The following SULT2B1 variants were observed in gnomAD, a reference collection of about 807,000 sequenced individuals.
SULT2B1 encodes sulfotransferase family 2B member 1.
SULT2B1 carries 16 observed loss-of-function variants against 33.2 expected under a neutral mutation model. The ratio of observed to expected loss-of-function variants is 0.48; its 90% CI spans 0.33 to 0.73. SULT2B1 has a LOEUF of 0.73. Ranked by LOEUF, SULT2B1 falls within the 30% of genes least tolerant of loss-of-function variation. The pLI, the probability that SULT2B1 is intolerant of heterozygous loss-of-function variation, is 0.02. For missense variants in SULT2B1, 500 were observed against 506.0 expected (o/e 0.99, Z 0.11); for synonymous variants, 186 against 200.5 (o/e 0.93, Z 0.61).
intron 1 of SULT2B1, among the ~76,000 whole-genome samples, chr19:48,565,335 G>A (rs2544804): frequency 6.6e-6 from 1 of 150,822 alleles, no homozygotes; most frequent in African/African-American, 2.4e-5. Context: ...TTTATGGGGG[G>A]GTGTGTGTGT....
chr19:48,569,639 C>T (rs1456753379), intron 1 of SULT2B1, among the ~76,000 whole-genome samples: 1 of 151,374 alleles, frequency 6.6e-6, no homozygotes, highest in African/African-American at 2.4e-5. Context: ...GTTGGGATTA[C>T]AGGCATGAGC....
chr19:48,564,319 C>T (rs1973217281), intron 1 of SULT2B1, among the ~76,000 whole-genome samples: 1 of 151,022 alleles, frequency 6.6e-6, no homozygotes, highest in Admixed American at 6.6e-5. Context: ...TTTGGGAGGC[C>T]GAGGCGGGCG....
At chr19:48,576,359 C>CTTTTCTTTTTTTCTTTTTTTTTTTTTT in intron 2 of SULT2B1, among the ~76,000 whole-genome samples, 1 of 96,716 alleles carries the variant, frequency 1.0e-5, no homozygotes, top group Non-Finnish European at 1.9e-5. Context: ...CTCTACTTCT[C>CTTTTCTTTTTTTCTTTTTTTTTTTTTT]TTTTTTTTTT....
chr19:48,573,679 G>A (rs1199042506), intron 1 of SULT2B1, among the ~76,000 whole-genome samples: 1 of 152,094 alleles, frequency 6.6e-6, no homozygotes, highest in East Asian at 1.9e-4. Flanking sequence ...TCATGGGGAA[G>A]GAGGGACTGA....
In SULT2B1 at chr19:48,570,361, T is replaced by TA. The variant is rs1424038292; in HGVS notation, c.72-5579dup. Among the ~76,000 whole-genome samples the TA allele has an allele frequency of 2.6e-5, 4 of 152,142 alleles. No individual in the cohort carries two copies. The East Asian group carries it at 7.8e-4, about 30-fold the overall frequency. ...TACCCAGCTAATTTTTGTATTTTAT[T>TA]AGAGACGGGGTTTCGCCATGTTGGC... On this transcript the variant is annotated intron_variant, in intron 1 of 6. Coordinates refer to ENST00000201586, the MANE Select transcript of SULT2B1 (RefSeq NM_177973.2).
chr19:48,585,860 G>A (rs1973554787), intron 2 of SULT2B1, among the ~76,000 whole-genome samples: 1 of 152,172 alleles, frequency 6.6e-6, no homozygotes, highest in Admixed American at 6.6e-5. Flanking sequence ...AAAGTGGGCA[G>A]TGAAAAGTGA....
intron 2 of SULT2B1, among the ~76,000 whole-genome samples, chr19:48,583,071 A>G (rs1973514871): frequency 6.7e-6 from 1 of 148,198 alleles, no homozygotes. Flanking sequence ...GAATCGCTTG[A>G]ACCCTGGAGG....
At chr19:48,564,380 T>C (rs369975749) in intron 1 of SULT2B1, among the ~76,000 whole-genome samples, 1 of 150,032 alleles carries the variant, frequency 6.7e-6, no homozygotes, top group East Asian at 2.0e-4. Flanking sequence ...GGTGAAACCC[T>C]GTCTCTACTA....
chr19:48,575,243 G>A (rs1973387922), intron 1 of SULT2B1, among the ~76,000 whole-genome samples: 2 of 149,478 alleles, frequency 1.3e-5, no homozygotes, highest in African/African-American at 4.9e-5. Context: ...CGAGTAGCTG[G>A]GATTGCAGGT....
chr19:48,564,551 CAAAAAAAAA>C (rs770217698), intron 1 of SULT2B1, among the ~76,000 whole-genome samples: 1 of 57,634 alleles, frequency 1.7e-5, no homozygotes, highest in African/African-American at 7.1e-5. Context: ...GACTCCGTCT[CAAAAAAAAA>C]AAAAAAAAAA....
intron 1 of SULT2B1, among the ~76,000 whole-genome samples, chr19:48,572,377 G>A (rs1973342786): frequency 6.6e-6 from 1 of 152,176 alleles, no homozygotes. Flanking sequence ...GCCAGGCATG[G>A]TGGCATGCAC....
At chr19:48,577,588 T>C (rs557791407) in intron 2 of SULT2B1, among the ~76,000 whole-genome samples, 8 of 151,708 alleles carry the variant, frequency 5.3e-5, no homozygotes, top group African/African-American at 1.9e-4. Flanking sequence ...ATGGTCTTGA[T>C]CTCTTGACCT....
chr19:48,559,833 T>G (rs1973152032), intron 1 of SULT2B1, among the ~76,000 whole-genome samples: 1 of 151,652 alleles, frequency 6.6e-6, no homozygotes, highest in Admixed American at 6.6e-5. Context: ...CAAGAAAGCC[T>G]GCAGGGGCCA....
rs12981320 is a variant in SULT2B1 at position 48,569,357 on chromosome 19, A to G, written c.72-6584A>G. Reference sequence around the variant, plus strand: ...ACTCCGTCTCAAAAAAAAAAAAAAAAAAAAACATATATATATATATATATA... The same window carrying G: ...ACTCCGTCTCAAAAAAAAAAAAAAAGAAAAACATATATATATATATATATA... On this transcript the variant is annotated intron_variant, in intron 1 of 6. Transcript: ENST00000201586. 4.2e-3 allele frequency among the ~76,000 whole-genome samples: 44 copies of G among 10,474 alleles called. 2 individuals carry two copies. Among genetic ancestry groups the G allele is most frequent in the African/African-American group, 0.013 (14 of 1,044 alleles). The allele number at this position is 10,474 out of a possible 152,430, so 6.9% of individuals were successfully genotyped here.
Position 48,596,758 on chromosome 19 carries a change from A to G in SULT2B1, c.665A>G (p.Glu222Gly), listed in dbSNP as rs774942612. 4 of 1,606,226 alleles carry G rather than the reference A, an allele frequency of 2.5e-6. No individual in the cohort carries two copies. The highest frequency in any genetic ancestry group is 1.7e-6 in the Non-Finnish European group (2 of 1,179,712). ...ELQQDLQGSV[E>G]RICGFLGRPL... The stretch of plus-strand genomic sequence containing the variant: ...CTGCAGGACTTACAGGGCTCCGTGG[A>G]GCGCATCTGTGGGTTCCTGGGCCGT... The change falls in exon 6 of 7, where the codon GAG becomes GGG. Residue 222 changes from glutamate to glycine, a missense_variant. By Grantham distance (98) the Glu-to-Gly change is moderately conservative. Transcript: ENST00000201586.
intron 2 of SULT2B1, among the ~76,000 whole-genome samples, chr19:48,581,096 G>A (rs995325005): frequency 6.9e-5 from 9 of 130,680 alleles, no homozygotes; most frequent in Non-Finnish European, 1.2e-4. Context: ...GAGTGCAATG[G>A]CGCGATCTCA....
At chr19:48,584,782 G>T (rs984387871) in intron 2 of SULT2B1, among the ~76,000 whole-genome samples, 5 of 152,024 alleles carry the variant, frequency 3.3e-5, no homozygotes, top group African/African-American at 1.2e-4. Context: ...TGGGCATGGT[G>T]GCTCATGCCT....
At chr19:48,566,580 A>G (rs1973245506) in intron 1 of SULT2B1, among the ~76,000 whole-genome samples, 1 of 151,942 alleles carries the variant, frequency 6.6e-6, no homozygotes. Flanking sequence ...GGTGGCTCAC[A>G]CCTGTAATTC....
Position 48,552,413 on chromosome 19 carries a change from A to C in SULT2B1, c.71+90A>C. On this transcript the variant is annotated intron_variant, in intron 1 of 6. Transcript: ENST00000201586. This position sits in a 1 kb window ranked among gnomAD's most constrained non-coding sequence, Gnocchi z 4.8. ...GGGGACTGTGGCAAGGGTGGCCTCCAGCCACCCGCAGCCGCAGGCCTGGCC... is the reference window on the plus strand; with the variant it reads ...GGGGACTGTGGCAAGGGTGGCCTCCCGCCACCCGCAGCCGCAGGCCTGGCC... 7.5e-7 allele frequency: 1 copy of C among 1,338,248 alleles called. No individual in the cohort carries two copies. 82.9% of individuals were successfully genotyped at this position (1,338,248 alleles called of 1,614,324 possible).
Sources: gnomAD v4.1 joint callset for allele counts (sites outside exome capture counted in the v4.1 genomes callset) on GRCh38, gnomAD v4.1.1 for gene constraint, Gnocchi (gnomAD v3.1) non-coding constraint, MANE v1.5 for transcripts, NCBI Gene and HGNC (gene_info 2026-07-23, HGNC 2026-07-21) for gene names.